NEGR1: variants seen among roughly 807,000 people sequenced by gnomAD.
NEGR1 encodes neuronal growth regulator 1.
In NEGR1, 10 loss-of-function variants were observed where a neutral mutation model predicts 40.9. The ratio of observed to expected loss-of-function variants is 0.24; its 90% CI spans 0.15 to 0.42. The LOEUF (loss-of-function observed/expected upper bound fraction) is 0.42, where lower values mean the gene tolerates loss of function less well. Ranked by LOEUF, NEGR1 falls within the 10% of genes least tolerant of loss-of-function variation. The pLI, the probability that NEGR1 is intolerant of heterozygous loss-of-function variation, is 1.00. For missense variants in NEGR1, 352 were observed against 438.9 expected (o/e 0.80, Z 1.77); for synonymous variants, 185 against 166.8 (o/e 1.11, Z -0.84).
At chr1:71,413,026 A>G (rs1220009167) in intron 6 of NEGR1, among the ~76,000 whole-genome samples, 1 of 27,800 alleles carries the variant, frequency 3.6e-5, no homozygotes, top group East Asian at 1.5e-3. Context: ...ATTGTATATA[A>G]TATATGGACT....
At chr1:72,218,380 A>AAG (rs1653896054) in intron 1 of NEGR1, among the ~76,000 whole-genome samples, 1 of 152,028 alleles carries the variant, frequency 6.6e-6, no homozygotes, top group Non-Finnish European at 1.5e-5. Flanking sequence ...AAGAAAAAAA[A>AAG]GTAAGATTCT....
intron 5 of NEGR1, 47 bp from the exon 6 acceptor site, chr1:71,593,015 G>A (rs767825092): frequency 7.0e-7 from 1 of 1,428,908 alleles, no homozygotes; most frequent in East Asian, 2.3e-5. Flanking sequence ...GTGAATACCA[G>A]TTTCATTTTT....
intron 1 of NEGR1, among the ~76,000 whole-genome samples, chr1:72,141,547 T>A (rs1650678483): frequency 6.6e-6 from 1 of 152,018 alleles, no homozygotes; most frequent in African/African-American, 2.4e-5. Flanking sequence ...GGAGCACCAC[T>A]CAATTTATTG....
At chr1:72,214,787 A>G (rs922194513) in intron 1 of NEGR1, among the ~76,000 whole-genome samples, 8 of 152,032 alleles carry the variant, frequency 5.3e-5, no homozygotes, top group Admixed American at 2.0e-4. Flanking sequence ...TACTGCCCAA[A>G]GTAATTTATA....
At chr1:72,004,091 C>T (rs911131789) in intron 1 of NEGR1, among the ~76,000 whole-genome samples, 3 of 151,970 alleles carry the variant, frequency 2.0e-5, no homozygotes, top group African/African-American at 4.8e-5. Flanking sequence ...TTGAACTTCC[C>T]ATAATCAACA....
At chr1:71,718,827 A>G (rs1295080594) in intron 3 of NEGR1, among the ~76,000 whole-genome samples, 2 of 152,120 alleles carry the variant, frequency 1.3e-5, no homozygotes, top group Non-Finnish European at 2.9e-5. Context: ...CCTTATTCTT[A>G]TATTTCATTC....
chr1:71,905,273 C>A (rs892070116), intron 2 of NEGR1, among the ~76,000 whole-genome samples: 1 of 151,792 alleles, frequency 6.6e-6, no homozygotes, highest in Non-Finnish European at 1.5e-5. Flanking sequence ...TTTTTAATCA[C>A]AATATTTTTG....
intron 6 of NEGR1, among the ~76,000 whole-genome samples, chr1:71,587,571 C>G (rs961713688): frequency 7.2e-5 from 11 of 151,998 alleles, no homozygotes; most frequent in African/African-American, 2.4e-4. Flanking sequence ...CAGTTTTGAT[C>G]GGTCCTTTGA....
chr1:72,282,098 C>A (rs1000633743), intron 1 of NEGR1, among the ~76,000 whole-genome samples: 2 of 152,100 alleles, frequency 1.3e-5, no homozygotes, highest in African/African-American at 2.4e-5. Flanking sequence ...CTTGGCGTTC[C>A]GGCAAAGTGC....
At chr1:72,067,262 T>G (rs192210227) in intron 1 of NEGR1, among the ~76,000 whole-genome samples, 124 of 152,232 alleles carry the variant, frequency 8.1e-4, no homozygotes, top group African/African-American at 3.0e-3. Context: ...TTAAATTTTG[T>G]TGTGGTGTAA....
chr1:71,884,148 T>C (rs1311700167), intron 2 of NEGR1, among the ~76,000 whole-genome samples: 3 of 152,164 alleles, frequency 2.0e-5, no homozygotes, highest in African/African-American at 7.2e-5. Context: ...ATTCCCTCCT[T>C]ACTCCATCTC....
chr1:72,023,067 A>G (rs1365144931), intron 1 of NEGR1, among the ~76,000 whole-genome samples: 2 of 152,210 alleles, frequency 1.3e-5, no homozygotes, highest in Non-Finnish European at 2.9e-5. Context: ...AAGTATGAAT[A>G]AAATCTGCAT....
At chr1:71,747,697 C>T (rs1442647819) in intron 3 of NEGR1, among the ~76,000 whole-genome samples, 1 of 152,032 alleles carries the variant, frequency 6.6e-6, no homozygotes, top group African/African-American at 2.4e-5. Flanking sequence ...ACTGCTAGGA[C>T]TATAGGCATG....
At chr1:71,422,770 T>C (rs984055407) in intron 6 of NEGR1, 4 of 152,186 alleles carry the variant, frequency 2.6e-5, no homozygotes, top group African/African-American at 7.2e-5. Context: ...ATATTGAAAC[T>C]TGAAGAAGGC....
chr1:71,618,445 A>C (rs1162045496), intron 4 of NEGR1, among the ~76,000 whole-genome samples: 1 of 152,092 alleles, frequency 6.6e-6, no homozygotes, highest in Non-Finnish European at 1.5e-5. Flanking sequence ...ACCTGCTTCC[A>C]TTTCCAACAT....
chr1:71,698,060 C>T lies in NEGR1; in HGVS notation c.615G>A (p.Ala205=), dbSNP rs772562752. Residue 205 remains alanine, a synonymous_variant, in exon 4 of 7, where the codon GCG becomes GCA. Transcript: ENST00000357731. ...RDQAGEYECS[A]ENDVSFPDVR... is the part of the protein sequence containing the mutation. Reference sequence around the variant, plus strand: ...CATCTGGGAATGACACATCATTTTCCGCACTGCATTCATATTCCCCAGCCT... The same window carrying T: ...CATCTGGGAATGACACATCATTTTCTGCACTGCATTCATATTCCCCAGCCT... 50 of 1,611,190 alleles carry T rather than the reference C, an allele frequency of 3.1e-5. No homozygotes were observed. The highest frequency in any genetic ancestry group is 1.6e-4 in the Middle Eastern group (1 of 6,070).
chr1:72,045,555 C>G (rs930120125), intron 1 of NEGR1, among the ~76,000 whole-genome samples: 1 of 151,732 alleles, frequency 6.6e-6, no homozygotes, highest in Non-Finnish European at 1.5e-5. Context: ...TTTCCCTGCA[C>G]AAGCTCTCTT....
At chr1:71,588,605 T>C (rs1280185149) in intron 6 of NEGR1, among the ~76,000 whole-genome samples, 4 of 152,188 alleles carry the variant, frequency 2.6e-5, no homozygotes, top group Non-Finnish European at 5.9e-5. Flanking sequence ...AAAGTAATTC[T>C]ATTGATGAAA....
intron 3 of NEGR1, among the ~76,000 whole-genome samples, chr1:71,708,124 A>G (rs907264258): frequency 1.3e-5 from 2 of 152,084 alleles, no homozygotes; most frequent in South Asian, 4.2e-4. Flanking sequence ...TAGAATCAAC[A>G]TCATTGAGGA....
Sources: gnomAD v4.1 joint callset for allele counts (sites outside exome capture counted in the v4.1 genomes callset) on GRCh38, gnomAD v4.1.1 for gene constraint, MANE v1.5 for transcripts, NCBI Gene and HGNC (gene_info 2026-07-23, HGNC 2026-07-21) for gene names.